The following PRIM2 variants were observed in gnomAD, a reference collection of about 807,000 sequenced individuals.
The protein encoded by PRIM2 is DNA primase large subunit.
PRIM2 carries 39 observed loss-of-function variants against 67.3 expected under a neutral mutation model. That is an observed-to-expected ratio of 0.58 (90% CI 0.45 to 0.76). The LOEUF is 0.76. Ranked by LOEUF, PRIM2 falls within the 30% of genes least tolerant of loss-of-function variation. The probability of loss-of-function intolerance (pLI) is 0.00; values close to 1 mark genes in which losing one functional copy is unlikely to be tolerated. For missense variants in PRIM2, 398 were observed against 598.7 expected (o/e 0.66, Z 3.50); for synonymous variants, 143 against 198.7 (o/e 0.72, Z 2.36).
rs1364554885 is a variant in PRIM2 at position 57,646,540 on chromosome 6, C to A, written c.*382C>A. ...TTTTTTTTTTAACCTTTTTGTTTAA[C>A]TTCTCTCTTCACTGCATCCCAATCC... On this transcript the variant is annotated 3_prime_UTR_variant, in exon 14 of 14. Coordinates refer to ENST00000615550, the MANE Select transcript of PRIM2 (RefSeq NM_000947.5). 1.0e-4 allele frequency: 18 copies of A among 172,696 alleles called. No individual in the cohort carries two copies. The highest frequency in any genetic ancestry group is 1.9e-4 in the Non-Finnish European group (16 of 83,010). 10.7% of individuals were successfully genotyped at this position (172,696 alleles called of 1,614,324 possible).
intron 7 of PRIM2, among the ~76,000 whole-genome samples, chr6:57,403,858 T>C (rs867619530): frequency 6.6e-6 from 1 of 151,772 alleles, no homozygotes; most frequent in Non-Finnish European, 1.5e-5. Context: ...TAGTTTGGGC[T>C]GCTGTAACAA....
chr6:57,389,313 C>A (rs887545), intron 7 of PRIM2, among the ~76,000 whole-genome samples: 1 of 152,006 alleles, frequency 6.6e-6, no homozygotes, highest in Non-Finnish European at 1.5e-5. Context: ...GGGGATATCC[C>A]TATGTTGCCT....
At chr6:57,264,594 CTTTT>C in the PRIM2 span, among the ~76,000 whole-genome samples, 4 of 107,000 alleles carry the variant, frequency 3.7e-5, no homozygotes, top group Admixed American at 2.0e-4. Flanking sequence ...AAGTCAAACG[CTTTT>C]TTTTTTTTTT....
chr6:57,540,136 C>G (rs1775117032), intron 10 of PRIM2, among the ~76,000 whole-genome samples: 1 of 152,160 alleles, frequency 6.6e-6, no homozygotes, highest in South Asian at 2.1e-4. Flanking sequence ...GTATTATTAA[C>G]TTAAAACAGT....
At chr6:57,561,202 A>C (rs1237686911) in intron 10 of PRIM2, among the ~76,000 whole-genome samples, 1 of 152,106 alleles carries the variant, frequency 6.6e-6, no homozygotes, top group East Asian at 1.9e-4. Flanking sequence ...CTTAAATCTC[A>C]TAAACCCACC....
chr6:57,221,855 C>A, the PRIM2 span: 1 of 152,528 alleles, frequency 6.6e-6, no homozygotes, highest in Non-Finnish European at 1.5e-5. Context: ...GGGAGCCGGG[C>A]CGGGAGGCCC....
At chr6:57,475,864 AGG>A (rs1773466425) in intron 7 of PRIM2, among the ~76,000 whole-genome samples, 1 of 152,210 alleles carries the variant, frequency 6.6e-6, no homozygotes, top group African/African-American at 2.4e-5. Flanking sequence ...TAAAGAACTT[AGG>A]ATCCTCTAGG....
intron 7 of PRIM2, among the ~76,000 whole-genome samples, chr6:57,459,196 G>T (rs1772915374): frequency 6.6e-6 from 1 of 152,172 alleles, no homozygotes; most frequent in Non-Finnish European, 1.5e-5. Flanking sequence ...CTATCTCACA[G>T]TTATGATGTG....
chr6:57,234,740 G>T, the PRIM2 span, among the ~76,000 whole-genome samples: 1 of 151,994 alleles, frequency 6.6e-6, no homozygotes, highest in Non-Finnish European at 1.5e-5. Flanking sequence ...AGCCAGGATG[G>T]TCTTGAACTC....
At chr6:57,301,800 C>T in the PRIM2 span, among the ~76,000 whole-genome samples, 1,062 of 152,102 alleles carry the variant, frequency 7.0e-3, 11 homozygotes, top group Middle Eastern at 0.054. Context: ...CTAGCCTGGG[C>T]GACAGGGCAA....
At chr6:57,310,142 C>T (rs1354248402), upstream of PRIM2, among the ~76,000 whole-genome samples, 2 of 152,094 alleles carry the variant, frequency 1.3e-5, no homozygotes, top group African/African-American at 4.8e-5. Context: ...AGGACATGAA[C>T]AGACACTTCT....
At chr6:57,350,460 C>G (rs1361526368) in intron 5 of PRIM2, among the ~76,000 whole-genome samples, 2 of 152,010 alleles carry the variant, frequency 1.3e-5, no homozygotes, top group African/African-American at 2.4e-5. Context: ...AGAACTTTGC[C>G]TTTGGATTAA....
chr6:57,354,656 C>G (rs1768968398), intron 5 of PRIM2, among the ~76,000 whole-genome samples: 1 of 152,128 alleles, frequency 6.6e-6, no homozygotes, highest in South Asian at 2.1e-4. Context: ...TCAAAGATGG[C>G]TTTCATTATT....
chr6:57,238,244 A>T, the PRIM2 span, among the ~76,000 whole-genome samples: 1 of 152,210 alleles, frequency 6.6e-6, no homozygotes, highest in Non-Finnish European at 1.5e-5. Context: ...CTCCACCCCA[A>T]ATCAACAGAA....
intron 12 of PRIM2, among the ~76,000 whole-genome samples, chr6:57,619,541 G>T (rs1695780791): frequency 6.6e-6 from 1 of 152,108 alleles, no homozygotes; most frequent in Non-Finnish European, 1.5e-5. Context: ...AAGAGAGAAA[G>T]ATTCAATGAA....
chr6:57,221,870 C>G, the PRIM2 span: 3 of 152,668 alleles, frequency 2.0e-5, no homozygotes, highest in Admixed American at 1.3e-4. Flanking sequence ...AGGCCCCTGC[C>G]CTCGATACCC....
At chr6:57,550,870 G>A (rs1212683355) in intron 10 of PRIM2, among the ~76,000 whole-genome samples, 2 of 152,082 alleles carry the variant, frequency 1.3e-5, no homozygotes, top group Non-Finnish European at 2.9e-5. Context: ...GTACGTATAA[G>A]CTCCAAAATG....
intron 7 of PRIM2, chr6:57,434,976 G>C (rs1356541742): frequency 6.6e-6 from 1 of 151,660 alleles, no homozygotes. Context: ...TGTAGATATG[G>C]AGTCTTGCCA....
intron 10 of PRIM2, among the ~76,000 whole-genome samples, chr6:57,564,310 G>A (rs1446085044): frequency 7.2e-5 from 11 of 152,282 alleles, no homozygotes; most frequent in African/African-American, 2.6e-4. Context: ...TGGCCCATGG[G>A]TTTACAGTGT....
Sources: allele counts gnomAD v4.1 joint callset (sites outside exome capture counted in the v4.1 genomes callset), GRCh38; gene constraint gnomAD v4.1.1; transcripts MANE v1.5; gene names NCBI Gene and HGNC (gene_info 2026-07-23, HGNC 2026-07-21).